The following COL6A5 variants were observed in gnomAD, a reference collection of about 807,000 sequenced individuals.
COL6A5 encodes collagen alpha-5(VI) chain.
In COL6A5, 48 loss-of-function variants were observed where a neutral mutation model predicts 65.6. The observed-to-expected ratio is 0.73, with a 90% CI of 0.58 to 0.93. The LOEUF (loss-of-function observed/expected upper bound fraction) is 0.93, where lower values mean the gene tolerates loss of function less well. COL6A5 is among the 40% of genes least tolerant of loss of function. The pLI, the probability that COL6A5 is intolerant of heterozygous loss-of-function variation, is 0.00. For synonymous variants in COL6A5, 291 were observed against 322.8 expected (o/e 0.90, Z 1.05); for missense variants, 914 against 928.3 (o/e 0.98, Z 0.20).
chr3:130,444,217 C>T (rs1709254667), intron 4 of COL6A5, among the ~76,000 whole-genome samples: 3 of 152,098 alleles, frequency 2.0e-5, no homozygotes, highest in East Asian at 1.9e-4. Context: ...GCCCAGATTT[C>T]ATATTGTTCA....
intron 1 of COL6A5, among the ~76,000 whole-genome samples, chr3:130,371,918 C>T (rs1012374417): frequency 1.3e-5 from 2 of 152,010 alleles, no homozygotes; most frequent in African/African-American, 4.8e-5. Context: ...AGTATATTAG[C>T]AAGTCATATA....
chr3:130,361,189 T>G (rs142573573), intron 1 of COL6A5, among the ~76,000 whole-genome samples: 1 of 152,118 alleles, frequency 6.6e-6, no homozygotes, highest in Non-Finnish European at 1.5e-5. Context: ...GTATCCATTA[T>G]GATAGGATCA....
At chr3:130,384,007 T>A (rs560894406) in intron 4 of COL6A5, among the ~76,000 whole-genome samples, 2 of 152,128 alleles carry the variant, frequency 1.3e-5, no homozygotes, top group South Asian at 4.1e-4. Context: ...CTTCAGAAAG[T>A]AACATAAAGA....
chr3:130,418,684 G>A (rs970677498), intron 24 of COL6A5, among the ~76,000 whole-genome samples, 185 bp from the exon 25 acceptor site: 1 of 151,874 alleles, frequency 6.6e-6, no homozygotes, highest in Non-Finnish European at 1.5e-5. Context: ...TCCAGCTCTG[G>A]GCTGTGCTAG....
At chr3:130,387,129 G>A (rs1317060937) in intron 5 of COL6A5, among the ~76,000 whole-genome samples, 1 of 151,988 alleles carries the variant, frequency 6.6e-6, no homozygotes, top group Admixed American at 6.6e-5. Context: ...TTCCATCCAT[G>A]GAAAGGGAGA....
chr3:130,440,319 A>G lies in COL6A5; in HGVS notation c.737A>G (p.Asn246Ser), dbSNP rs190214808. The G allele has an allele frequency of 4.8e-5, 78 of 1,613,396 alleles. No homozygotes were observed. The East Asian group carries it at 1.4e-3, about 28-fold the overall frequency. ...GTGAGCTCAGTGATTGACAACTTCA[A>G]CATTGCTTCAGACCCTTTAATCTCA... The change falls in exon 3 of 8, where the codon AAC becomes AGC. Residue 246 changes from asparagine to serine, a missense_variant. Coordinates refer to ENST00000512836, the Ensembl canonical transcript of COL6A5.
chr3:130,370,534 A>G (rs1299266415), intron 1 of COL6A5, among the ~76,000 whole-genome samples: 2 of 152,220 alleles, frequency 1.3e-5, no homozygotes, highest in African/African-American at 2.4e-5. Flanking sequence ...CCCTGTTCCC[A>G]GGCATATATT....
chr3:130,366,656 C>T (rs1368398885), intron 1 of COL6A5, among the ~76,000 whole-genome samples: 1 of 152,134 alleles, frequency 6.6e-6, no homozygotes, highest in Non-Finnish European at 1.5e-5. Flanking sequence ...TTGTATATTT[C>T]CTTTTGATGT....
chr3:130,396,499 A>T (rs1422148415), intron 8 of COL6A5, among the ~76,000 whole-genome samples: 1 of 152,262 alleles, frequency 6.6e-6, no homozygotes, highest in African/African-American at 2.4e-5. Context: ...CAACCTGGGC[A>T]GGATCAGAAT....
chr3:130,403,218 A>G (rs1218625306), intron 12 of COL6A5, among the ~76,000 whole-genome samples: 3 of 152,208 alleles, frequency 2.0e-5, no homozygotes, highest in African/African-American at 7.2e-5. Context: ...TTCTTCCTTG[A>G]GCTCTCAAAA....
intron 7 of COL6A5, among the ~76,000 whole-genome samples, chr3:130,483,467 C>T (rs1374875558): frequency 6.6e-6 from 1 of 152,134 alleles, no homozygotes; most frequent in African/African-American, 2.4e-5. Flanking sequence ...TTCTTACTTC[C>T]TCCTAGGTTA....
At chr3:130,401,693 G>A (rs1010182929) in intron 11 of COL6A5, 69 bp from the exon 12 acceptor site, 1 of 1,132,192 alleles carries the variant, frequency 8.8e-7, no homozygotes, top group Non-Finnish European at 1.3e-6. Context: ...TGATTTGTAT[G>A]AGTACAATTC....
At chr3:130,395,221 C>A in exon 8 of COL6A5, 7 of 1,551,620 alleles carry the variant, frequency 4.5e-6, no homozygotes, top group Non-Finnish European at 6.1e-6. Flanking sequence ...CTGGTGTCCC[C>A]CAAACTTTGG....
At chr3:130,399,038 A>G (rs993203811) in intron 10 of COL6A5, among the ~76,000 whole-genome samples, 1 of 152,220 alleles carries the variant, frequency 6.6e-6, no homozygotes, top group Non-Finnish European at 1.5e-5. Context: ...TTTTCTGTCC[A>G]TGTCATAGCT....
chr3:130,449,021 T>C (rs916976311), intron 4 of COL6A5, among the ~76,000 whole-genome samples: 8 of 152,322 alleles, frequency 5.3e-5, no homozygotes, highest in Middle Eastern at 3.4e-3. Context: ...GCCATTTGCC[T>C]GATTTCTTTT....
intron 7 of COL6A5, chr3:130,476,811 CT>C: frequency 1.6e-6 from 1 of 615,330 alleles, no homozygotes; most frequent in Non-Finnish European, 3.0e-6. Flanking sequence ...CAAAAGTTTT[CT>C]GCATTTTTCT....
chr3:130,416,758 G>T, exon 24 of COL6A5: 1 of 1,525,972 alleles, frequency 6.6e-7, no homozygotes, highest in Non-Finnish European at 8.8e-7. Flanking sequence ...TTTTTTCAGG[G>T]TTCTCCTGGG....
At chr3:130,350,308 AG>A (rs1186148689) in intron 1 of COL6A5, among the ~76,000 whole-genome samples, 1 of 152,200 alleles carries the variant, frequency 6.6e-6, no homozygotes, top group Non-Finnish European at 1.5e-5. Context: ...AGTTCTAGCC[AG>A]GGCAATCAGG....
chr3:130,398,128 GTT>G lies in COL6A5; in HGVS notation c.3991+36_3991+37del, dbSNP rs35177024. 25,770 of 886,284 alleles carry G rather than the reference GTT, an allele frequency of 0.029. No individual in the cohort carries two copies. Among genetic ancestry groups the G allele is most frequent in the Middle Eastern group, 0.037 (101 of 2,760 alleles). 54.9% of individuals were successfully genotyped at this position (886,284 alleles called of 1,614,324 possible). The stretch of plus-strand genomic sequence containing the variant: ...GAGAAGCAGGTATTGAGTTGTTGTT[GTT>G]TTTTTTTTTTTTTTTTTTGAGATGG... On this transcript the variant is annotated intron_variant and NMD_transcript_variant, in intron 10 of 41. Transcript: ENST00000312481.
Sources: allele counts gnomAD v4.1 joint callset (sites outside exome capture counted in the v4.1 genomes callset), GRCh38; gene constraint gnomAD v4.1.1; transcripts MANE v1.5; gene names NCBI Gene and HGNC (gene_info 2026-07-23, HGNC 2026-07-21).